UST: variants seen among roughly 807,000 people sequenced by gnomAD.
The protein encoded by UST is uronyl 2-sulfotransferase, also known as chondroitin sulfate 2-O-sulfotransferase.
Under a neutral mutation model 45.6 loss-of-function variants are expected in UST, and 21 were observed. That is an observed-to-expected ratio of 0.46 (90% CI 0.33 to 0.66). UST has a LOEUF of 0.66. Ranked by LOEUF, UST falls within the 30% of genes least tolerant of loss-of-function variation. The pLI, the probability that UST is intolerant of heterozygous loss-of-function variation, is 0.02. For missense variants in UST, 463 were observed against 512.4 expected, an observed-to-expected ratio of 0.90 and a Z score of 0.93; for synonymous variants, 215 against 200.6, an observed-to-expected ratio of 1.07 and a Z score of -0.61.
At position 149,006,542 on chromosome 6, in the gene UST, T is replaced by A. The variant is rs146780829; in HGVS notation, c.682-12597T>A. Among the ~76,000 whole-genome samples, 618 of 152,372 alleles carry A rather than the reference T, an allele frequency of 4.1e-3. 7 individuals are homozygous for A. The highest frequency in any genetic ancestry group is 0.014 in the African/African-American group (589 of 41,580). On this transcript the variant is annotated intron_variant, in intron 5 of 7. Transcript: ENST00000367463. The stretch of plus-strand genomic sequence containing the variant: ...TCTGTGTCCTTGCTATTATGAATAG[T>A]GCTGCAGTGAACATTTGCATGCATA...
At chr6:148,840,901 G>T (rs189676553) in intron 1 of UST, among the ~76,000 whole-genome samples, 1 of 152,210 alleles carries the variant, frequency 6.6e-6, no homozygotes, top group Non-Finnish European at 1.5e-5. Flanking sequence ...CCCTTCAGTG[G>T]TCACCCTGGT....
chr6:149,024,120 T>A (rs1222593059), intron 7 of UST, among the ~76,000 whole-genome samples: 1 of 152,244 alleles, frequency 6.6e-6, no homozygotes, highest in Non-Finnish European at 1.5e-5. Context: ...CCAGCTGGAC[T>A]AGCGGTTAAA....
chr6:148,767,488 A>G (rs1776344017), intron 1 of UST, among the ~76,000 whole-genome samples: 1 of 152,258 alleles, frequency 6.6e-6, no homozygotes, highest in East Asian at 1.9e-4. Context: ...AAGTTTCTTC[A>G]AATAGTTGTT....
chr6:148,923,781 G>T (rs1400097111), intron 2 of UST, among the ~76,000 whole-genome samples: 1 of 152,106 alleles, frequency 6.6e-6, no homozygotes, highest in African/African-American at 2.4e-5. Flanking sequence ...ACTCCTGGGG[G>T]CCTTTGTCCA....
At chr6:149,014,636 A>C (rs1342979668) in intron 5 of UST, among the ~76,000 whole-genome samples, 2 of 152,096 alleles carry the variant, frequency 1.3e-5, no homozygotes, top group Non-Finnish European at 2.9e-5. Context: ...GGTGGACTGG[A>C]GTATGTTAAC....
chr6:148,893,850 A>G (rs1779068128), intron 2 of UST, among the ~76,000 whole-genome samples: 1 of 152,164 alleles, frequency 6.6e-6, no homozygotes, highest in Non-Finnish European at 1.5e-5. Context: ...GGAACTAACT[A>G]GGTCAGATAA....
At chr6:148,766,358 TCTCACCCA>T (rs1490781597) in intron 1 of UST, among the ~76,000 whole-genome samples, 1 of 152,066 alleles carries the variant, frequency 6.6e-6, no homozygotes, top group Non-Finnish European at 1.5e-5. Context: ...ACCCACTTGC[TCTCACCCA>T]CTCACCCACT....
At chr6:148,866,890 A>C (rs1177461002) in intron 1 of UST, among the ~76,000 whole-genome samples, 2 of 12,434 alleles carry the variant, frequency 1.6e-4, no homozygotes, top group South Asian at 5.0e-3. Flanking sequence ...GACCTCCACA[A>C]GGCATTTTTT....
At chr6:148,941,493 G>T (rs1780125250) in intron 3 of UST, 59 bp downstream of exon 3, 4 of 1,527,088 alleles carry the variant, frequency 2.6e-6, no homozygotes, top group Non-Finnish European at 3.5e-6. Flanking sequence ...TGTGTAACTA[G>T]TGGGTGCCTT....
chr6:148,915,452 A>T (rs759811038), intron 2 of UST, among the ~76,000 whole-genome samples: 26 of 152,282 alleles, frequency 1.7e-4, no homozygotes, highest in Admixed American at 5.9e-4. Flanking sequence ...AGGAAAAAAA[A>T]GCCCTACCTC....
chr6:148,875,837 C>G (rs9485335), intron 1 of UST, among the ~76,000 whole-genome samples: 34,933 of 152,182 alleles, frequency 0.23, 5,030 homozygotes, highest in Non-Finnish European at 0.3. Flanking sequence ...CTAAATATGA[C>G]TGGTAAAATT....
At chr6:148,802,125 A>G (rs1427557597) in intron 1 of UST, among the ~76,000 whole-genome samples, 1 of 152,204 alleles carries the variant, frequency 6.6e-6, no homozygotes, top group Non-Finnish European at 1.5e-5. Flanking sequence ...ATGCGGGGCA[A>G]ATGCTCCCAT....
At chr6:148,904,367 C>T (rs1161475601) in intron 2 of UST, among the ~76,000 whole-genome samples, 4 of 151,982 alleles carry the variant, frequency 2.6e-5, no homozygotes, top group Non-Finnish European at 4.4e-5. Context: ...AGGAAAAGTG[C>T]AATGTTGTTT....
chr6:148,935,841 T>G (rs920936424), intron 2 of UST, among the ~76,000 whole-genome samples: 1 of 152,124 alleles, frequency 6.6e-6, no homozygotes, highest in Non-Finnish European at 1.5e-5. Context: ...GAAAGAGTCC[T>G]TAGGAAGGAG....
intron 2 of UST, among the ~76,000 whole-genome samples, chr6:148,923,233 G>A (rs1001796327): frequency 6.6e-6 from 1 of 152,178 alleles, no homozygotes; most frequent in African/African-American, 2.4e-5. Flanking sequence ...GGGTTATTAT[G>A]AATAATGCTT....
At chr6:149,015,636 A>G (rs1300326147) in intron 5 of UST, among the ~76,000 whole-genome samples, 1 of 152,206 alleles carries the variant, frequency 6.6e-6, no homozygotes, top group Non-Finnish European at 1.5e-5. Flanking sequence ...TTCTTTTTTA[A>G]AAAAGCAATC....
chr6:148,753,864 C>A (rs1268985830), intron 1 of UST, among the ~76,000 whole-genome samples: 1 of 152,098 alleles, frequency 6.6e-6, no homozygotes, highest in Non-Finnish European at 1.5e-5. Flanking sequence ...TTTATTATAG[C>A]CATCTTAATG....
At chr6:148,842,233 T>C (rs910316443) in intron 1 of UST, among the ~76,000 whole-genome samples, 5 of 152,200 alleles carry the variant, frequency 3.3e-5, no homozygotes, top group South Asian at 2.1e-4. Context: ...GGAAAATTTG[T>C]CTTAATTACT....
At chr6:149,069,525 T>C (rs1776788681) in intron 7 of UST, among the ~76,000 whole-genome samples, 1 of 152,202 alleles carries the variant, frequency 6.6e-6, no homozygotes, top group Non-Finnish European at 1.5e-5. Flanking sequence ...CTCTTGGCCA[T>C]TTGTATGTCT....
Sources: allele counts gnomAD v4.1 joint callset (sites outside exome capture counted in the v4.1 genomes callset), GRCh38; gene constraint gnomAD v4.1.1; transcripts MANE v1.5; gene names NCBI Gene and HGNC (gene_info 2026-07-23, HGNC 2026-07-21).